ESRRG: variants seen among roughly 807,000 people sequenced by gnomAD.
The protein encoded by ESRRG is estrogen related receptor gamma.
In ESRRG, 13 loss-of-function variants were observed where a neutral mutation model predicts 44.0. That is an observed-to-expected ratio of 0.30 (90% CI 0.19 to 0.47). The LOEUF is 0.47. Among genes scored for constraint, ESRRG ranks in the 20% least tolerant of loss-of-function variants. The pLI is 1.00. For missense variants in ESRRG, 395 were observed against 580.6 expected (o/e 0.68, Z 3.29); for synonymous variants, 215 against 214.6 (o/e 1.00, Z -0.02).
intron 2 of ESRRG, among the ~76,000 whole-genome samples, chr1:216,897,408 A>G (rs1369083004): frequency 6.6e-6 from 1 of 152,210 alleles, no homozygotes; most frequent in Non-Finnish European, 1.5e-5. Flanking sequence ...AGATCAAGGA[A>G]TCTGCATTTT....
intron 1 of ESRRG, among the ~76,000 whole-genome samples, chr1:217,021,024 C>G (rs1231698589): frequency 6.7e-6 from 1 of 149,974 alleles, no homozygotes; most frequent in South Asian, 2.1e-4. Flanking sequence ...AGGAGAACCC[C>G]CCCATCCCCC....
At chr1:216,886,869 G>A (rs547310378) in intron 2 of ESRRG, among the ~76,000 whole-genome samples, 9 of 152,012 alleles carry the variant, frequency 5.9e-5, no homozygotes, top group Non-Finnish European at 7.4e-5. Flanking sequence ...GACTACGGGC[G>A]TGTAACACCA....
At chr1:216,869,761 G>A (rs972462600) in intron 2 of ESRRG, among the ~76,000 whole-genome samples, 3 of 151,846 alleles carry the variant, frequency 2.0e-5, no homozygotes, top group Non-Finnish European at 4.4e-5. Context: ...AATAGATCCT[G>A]GAAATATTTT....
At chr1:216,535,481 A>G (rs892253029) in intron 5 of ESRRG, among the ~76,000 whole-genome samples, 3 of 152,140 alleles carry the variant, frequency 2.0e-5, no homozygotes, top group African/African-American at 7.2e-5. Context: ...CATATTTTAG[A>G]TAAATGAAGG....
chr1:216,610,722 T>G (rs1440144540), intron 3 of ESRRG, among the ~76,000 whole-genome samples: 15 of 152,022 alleles, frequency 9.9e-5, no homozygotes. Flanking sequence ...TATGTACATG[T>G]GTGTATTTTA....
chr1:216,661,491 G>A (rs2072406708), intron 2 of ESRRG, among the ~76,000 whole-genome samples: 1 of 152,144 alleles, frequency 6.6e-6, no homozygotes. Flanking sequence ...TACATCTAAT[G>A]CATTCACTAT....
chr1:216,807,506 A>T (rs2094834159), intron 2 of ESRRG, among the ~76,000 whole-genome samples: 1 of 152,098 alleles, frequency 6.6e-6, no homozygotes, highest in Non-Finnish European at 1.5e-5. Context: ...AAAATCCTTA[A>T]AATATGATAT....
At chr1:216,834,745 A>G (rs79748968) in intron 2 of ESRRG, among the ~76,000 whole-genome samples, 2,928 of 152,342 alleles carry the variant, frequency 0.019, 107 homozygotes, top group African/African-American at 0.068. Context: ...AAGAATGACA[A>G]CAACAGATGC....
chr1:216,945,330 G>A (rs1036688619), intron 1 of ESRRG, among the ~76,000 whole-genome samples: 4 of 152,010 alleles, frequency 2.6e-5, no homozygotes, highest in African/African-American at 9.7e-5. Context: ...TGAACTGAGA[G>A]CCATCAATTA....
intron 3 of ESRRG, among the ~76,000 whole-genome samples, chr1:216,616,958 T>C (rs1036889370): frequency 6.6e-6 from 1 of 152,208 alleles, no homozygotes; most frequent in African/African-American, 2.4e-5. Context: ...CTCAGGGTTT[T>C]TTCTTCTTTT....
At chr1:216,687,087 T>C (rs1474154471) in intron 1 of ESRRG, among the ~76,000 whole-genome samples, 1 of 151,994 alleles carries the variant, frequency 6.6e-6, no homozygotes, top group Non-Finnish European at 1.5e-5. Context: ...TCTGTGTGTG[T>C]GTTGCAGGAG....
At chr1:217,097,162 C>A (rs2092436816) in intron 1 of ESRRG, among the ~76,000 whole-genome samples, 1 of 152,116 alleles carries the variant, frequency 6.6e-6, no homozygotes, top group South Asian at 2.1e-4. Context: ...TTTTGGATTC[C>A]TATCCAGAAC....
intron 2 of ESRRG, among the ~76,000 whole-genome samples, chr1:216,757,297 A>G (rs939920955): frequency 6.6e-6 from 1 of 151,948 alleles, no homozygotes; most frequent in African/African-American, 2.4e-5. Context: ...TCTACTTCTG[A>G]TGGGAGACTG....
intron 1 of ESRRG, among the ~76,000 whole-genome samples, chr1:216,951,995 C>A (rs1011789443): frequency 6.6e-6 from 1 of 151,788 alleles, no homozygotes; most frequent in Admixed American, 6.6e-5. Flanking sequence ...ATGTTTTGGC[C>A]ACTTCTTACC....
intron 1 of ESRRG, among the ~76,000 whole-genome samples, chr1:217,121,153 CATTT>C (rs1001507718): frequency 7.9e-4 from 118 of 150,244 alleles, no homozygotes; most frequent in African/African-American, 2.7e-3. Flanking sequence ...CACACACACT[CATTT>C]ATCAGGCAGA....
At chr1:217,074,576 G>A (rs962591023) in intron 1 of ESRRG, among the ~76,000 whole-genome samples, 1 of 151,824 alleles carries the variant, frequency 6.6e-6, no homozygotes, top group African/African-American at 2.4e-5. Flanking sequence ...AGTGGCTCAT[G>A]CCTGTAATCC....
At chr1:216,557,355 T>C (rs140300734) in intron 5 of ESRRG, among the ~76,000 whole-genome samples, 6 of 152,082 alleles carry the variant, frequency 3.9e-5, no homozygotes, top group Non-Finnish European at 7.4e-5. Flanking sequence ...CTGGAACAAA[T>C]GACAATGAAC....
In ESRRG at chr1:216,526,999, T is replaced by G. The variant is rs1309148102; in HGVS notation, c.863-7578A>C. Among the ~76,000 whole-genome samples, 12 of 152,304 alleles carry G rather than the reference T, an allele frequency of 7.9e-5. No homozygotes were observed. The East Asian group carries it at 2.3e-3, about 29-fold the overall frequency. ...TCCAATGGTTCTACTGTGACAAAGTTCAAATCAACTAGTATTTAGAGTATC... is the reference window on the plus strand; with the variant it reads ...TCCAATGGTTCTACTGTGACAAAGTGCAAATCAACTAGTATTTAGAGTATC... On this transcript the variant is annotated intron_variant, in intron 5 of 6. Transcript: ENST00000408911.
intron 5 of ESRRG, among the ~76,000 whole-genome samples, chr1:216,556,056 CT>C (rs1222748875): frequency 6.6e-6 from 1 of 152,202 alleles, no homozygotes; most frequent in East Asian, 1.9e-4. Context: ...GTGGAAAAAG[CT>C]TTTTTAATCA....
Sources: gnomAD v4.1 joint callset for allele counts (sites outside exome capture counted in the v4.1 genomes callset) on GRCh38, gnomAD v4.1.1 for gene constraint, MANE v1.5 for transcripts, NCBI Gene and HGNC (gene_info 2026-07-23, HGNC 2026-07-21) for gene names.